Variants in AK8 observed in about 807,000 individuals in gnomAD.
AK8 encodes the protein ATP-AMP transphosphorylase 8.
AK8 carries 44 observed loss-of-function variants against 54.6 expected under a neutral mutation model. The observed-to-expected ratio is 0.81, with a 90% CI of 0.63 to 1.04. The LOEUF (loss-of-function observed/expected upper bound fraction) is 1.04. Among genes scored for constraint, AK8 ranks in the 50% least tolerant of loss-of-function variants. AK8 has a pLI of 0.00. For synonymous variants in AK8, 239 were observed against 245.6 expected (o/e 0.97, Z 0.25); for missense variants, 555 against 613.6 (o/e 0.90, Z 1.01).
chr9:132,797,490 C>T (rs950590474), intron 10 of AK8, among the ~76,000 whole-genome samples: 4 of 152,120 alleles, frequency 2.6e-5, no homozygotes, highest in Admixed American at 6.6e-5. Context: ...TTCATCTCTA[C>T]GTGATCACCC....
At chr9:132,758,729 G>C (rs1267659944) in intron 11 of AK8, among the ~76,000 whole-genome samples, 1 of 152,000 alleles carries the variant, frequency 6.6e-6, no homozygotes, top group South Asian at 2.1e-4. Context: ...AAAGTGTGGG[G>C]ATTACAGGCA....
chr9:132,763,477 G>T (rs1477110387), intron 11 of AK8, among the ~76,000 whole-genome samples: 13 of 152,178 alleles, frequency 8.5e-5, no homozygotes, highest in Non-Finnish European at 1.6e-4. Context: ...TTTAAGTTTG[G>T]CCTAAAGGTT....
rs1841980841 is a variant in AK8, at chr9:132,828,679, C to G, written c.450G>C (p.Arg150Ser). 6.2e-7 allele frequency: 1 copy of G among 1,612,610 alleles called. No homozygotes were observed. The highest frequency in any genetic ancestry group is 8.5e-7 in the Non-Finnish European group (1 of 1,179,288). ...GIPETREQAL[R>S]IQTLGITPRH... ...TGGGTGTGATCCCCAGGGTCTGGATCCTCAGAGCCTGCTCACGCGTCTCAG... is the reference window on the plus strand; with the variant it reads ...TGGGTGTGATCCCCAGGGTCTGGATGCTCAGAGCCTGCTCACGCGTCTCAG... Residue 150 changes from arginine (R) to serine (S), a missense_variant, in exon 6 of 13, where the codon AGG becomes AGC. By Grantham distance (110) the Arg-to-Ser change is moderately radical (BLOSUM62 -1). Transcript: ENST00000298545.
chr9:132,740,156 G>A (rs111938161), intron 11 of AK8, among the ~76,000 whole-genome samples: 1 of 152,220 alleles, frequency 6.6e-6, no homozygotes, highest in African/African-American at 2.4e-5. Context: ...CCCCTAAGGC[G>A]GAGCACGGAT....
At chr9:132,862,972 C>T (rs1036128624) in intron 4 of AK8, among the ~76,000 whole-genome samples, 3 of 152,206 alleles carry the variant, frequency 2.0e-5, no homozygotes, top group Non-Finnish European at 2.9e-5. Flanking sequence ...CATGCCCAGC[C>T]AGAAGGAATT....
At chr9:132,829,240 G>A (rs770508821) in intron 5 of AK8, among the ~76,000 whole-genome samples, 1 of 152,106 alleles carries the variant, frequency 6.6e-6, no homozygotes, top group Admixed American at 6.5e-5. Context: ...TTACAGGCGT[G>A]AGCAACTGTG....
chr9:132,764,989 C>T (rs1318428320), intron 11 of AK8, among the ~76,000 whole-genome samples: 2 of 152,146 alleles, frequency 1.3e-5, no homozygotes, highest in Admixed American at 1.3e-4. Context: ...AATCCAGCAG[C>T]ACATTAAAAA....
rs1023128594 is a variant in AK8 at position 132,860,256 on chromosome 9, C to T, written c.333+3409G>A. Among the ~76,000 whole-genome samples the T allele has an allele frequency of 6.9e-6, 1 of 144,694 alleles. No individual in the cohort carries two copies. The highest frequency in any genetic ancestry group is 2.1e-4 in the South Asian group (1 of 4,660). The allele number at this position is 144,694 out of a possible 152,430, so 94.9% of individuals were successfully genotyped here. On this transcript the variant is annotated intron_variant, in intron 4 of 12. Transcript: ENST00000298545. This position sits in a 1 kb window ranked among gnomAD's most constrained non-coding sequence, Gnocchi z 4.4. ...AGGAGCCATAAGAACACCATCTCCT[C>T]GGCGAGATTTATAACTCTGGCTGGC...
rs1564443875 is a variant in AK8 at position 132,860,530 on chromosome 9, G to C, written c.333+3135C>G. Among the ~76,000 whole-genome samples, 1 of 152,338 alleles carries C rather than the reference G, an allele frequency of 6.6e-6. No individual in the cohort carries two copies. Among genetic ancestry groups the C allele is most frequent in the African/African-American group, 2.4e-5 (1 of 41,574 alleles). On this transcript the variant is annotated intron_variant, in intron 4 of 12. Transcript: ENST00000298545. This position sits in a 1 kb window ranked among gnomAD's most constrained non-coding sequence, Gnocchi z 4.4. ...GGGAAGGCTCCAGGCATGCCTGAAG[G>C]AGGCTGCTGCTGGGGAGCTGGAGGT...
At chr9:132,866,531 G>A (rs73550631) in intron 3 of AK8, among the ~76,000 whole-genome samples, 189 of 152,252 alleles carry the variant, frequency 1.2e-3, no homozygotes, top group African/African-American at 3.4e-3. Context: ...TAAATATTAA[G>A]ATTCCAAGTC....
chr9:132,855,652 C>T (rs1041011292), intron 4 of AK8, among the ~76,000 whole-genome samples: 1 of 152,220 alleles, frequency 6.6e-6, no homozygotes, highest in Non-Finnish European at 1.5e-5. Flanking sequence ...GAAGCCCTGT[C>T]GACCATAATG....
intron 11 of AK8, among the ~76,000 whole-genome samples, chr9:132,751,274 C>G (rs1837909357): frequency 6.6e-6 from 1 of 150,720 alleles, no homozygotes; most frequent in Non-Finnish European, 1.5e-5. Flanking sequence ...ATCCCAGCTA[C>G]TCAGGAGGCT....
intron 3 of AK8, among the ~76,000 whole-genome samples, chr9:132,864,732 C>T (rs1359287248): frequency 1.3e-5 from 2 of 152,202 alleles, no homozygotes; most frequent in Non-Finnish European, 2.9e-5. Context: ...AGGACAAACT[C>T]GATCGCTTCA....
At chr9:132,878,683 G>A (rs1362894541), upstream of AK8, 1 of 993,276 alleles carries the variant, frequency 1.0e-6, no homozygotes, top group African/African-American at 1.7e-5. This position sits in a 1 kb window ranked among gnomAD's most constrained non-coding sequence, Gnocchi z 4.7. Flanking sequence ...AAATGTGGGG[G>A]AGGGTGTTTG....
intron 10 of AK8, among the ~76,000 whole-genome samples, chr9:132,809,060 A>G (rs1840865912): frequency 6.6e-6 from 1 of 152,204 alleles, no homozygotes; most frequent in African/African-American, 2.4e-5. Flanking sequence ...TGTCTTTACA[A>G]TAATCTCACT....
intron 11 of AK8, among the ~76,000 whole-genome samples, chr9:132,785,766 A>G (rs1839675025): frequency 6.6e-6 from 1 of 152,264 alleles, no homozygotes; most frequent in Non-Finnish European, 1.5e-5. Context: ...GGCTCCACCC[A>G]TGCATCCAGA....
At chr9:132,836,421 A>T (rs1842325560) in intron 5 of AK8, among the ~76,000 whole-genome samples, 1 of 152,242 alleles carries the variant, frequency 6.6e-6, no homozygotes, top group South Asian at 2.1e-4. Context: ...AAGGAGTCCC[A>T]CTTAAGTTTG....
intron 11 of AK8, among the ~76,000 whole-genome samples, chr9:132,765,220 G>A (rs553410701): frequency 2.0e-5 from 3 of 149,170 alleles, no homozygotes; most frequent in African/African-American, 7.4e-5. Context: ...TTGAGCCCAG[G>A]GGGCGGAGGT....
intron 5 of AK8, among the ~76,000 whole-genome samples, chr9:132,845,931 G>A (rs1564435239): frequency 6.6e-6 from 1 of 152,060 alleles, no homozygotes; most frequent in Non-Finnish European, 1.5e-5. Context: ...AATCTGTCCA[G>A]GCAGCTGGAT....
Sources: allele counts gnomAD v4.1 joint callset (sites outside exome capture counted in the v4.1 genomes callset), GRCh38; gene constraint gnomAD v4.1.1; non-coding constraint Gnocchi (gnomAD v3.1); transcripts MANE v1.5; gene names NCBI Gene and HGNC (gene_info 2026-07-23, HGNC 2026-07-21).